PCCA: variants seen among roughly 807,000 people sequenced by gnomAD.
The protein encoded by PCCA is propionyl-CoA carboxylase alpha chain, mitochondrial.
PCCA carries 74 observed loss-of-function variants against 101.3 expected under a neutral mutation model. The observed-to-expected ratio is 0.73, with a 90% confidence interval of 0.61 to 0.89. PCCA has a LOEUF of 0.89. Ranked by LOEUF, PCCA falls within the 40% of genes least tolerant of loss-of-function variation. The pLI is 0.00. For synonymous variants in PCCA, 294 were observed against 313.6 expected (o/e 0.94, Z 0.66); for missense variants, 891 against 907.0 (o/e 0.98, Z 0.23).
At chr13:100,364,017 C>T (rs1030500841) in intron 18 of PCCA, among the ~76,000 whole-genome samples, 1 of 152,070 alleles carries the variant, frequency 6.6e-6, no homozygotes, top group African/African-American at 2.4e-5. Flanking sequence ...AGTGGACAGA[C>T]CTGGGTTAGA....
chr13:100,472,650 G>T (rs560208663), intron 21 of PCCA, among the ~76,000 whole-genome samples: 89 of 152,218 alleles, frequency 5.8e-4, no homozygotes, highest in African/African-American at 2.1e-3. Flanking sequence ...TGCGTGGCTG[G>T]TTTGAATAAT....
chr13:100,394,511 C>T lies in PCCA; in HGVS notation c.1746+25937C>T, dbSNP rs114611366. On this transcript the variant is annotated intron_variant, in intron 19 of 23. Coordinates refer to ENST00000376285, the MANE Select transcript of PCCA (RefSeq NM_000282.4). This position sits in a 1 kb window ranked among gnomAD's most constrained non-coding sequence, Gnocchi z 4.3. ...ATGAGAGGCATGAACTGAAAATAGG[C>T]GTAAACTTGAGTAATTCCCTAAACC... Among the ~76,000 whole-genome samples the T allele has an allele frequency of 2.1e-3, 319 of 151,886 alleles. 1 individual carries two copies. Among genetic ancestry groups the T allele is most frequent in the African/African-American group, 7.2e-3 (299 of 41,444 alleles).
chr13:100,496,046 T>C (rs1291735505), intron 21 of PCCA, among the ~76,000 whole-genome samples: 1 of 152,192 alleles, frequency 6.6e-6, no homozygotes, highest in Non-Finnish European at 1.5e-5. Flanking sequence ...TTTCAGCAAA[T>C]TGCTAACAGT....
intron 4 of PCCA, among the ~76,000 whole-genome samples, chr13:100,133,754 G>A (rs2050812063): frequency 6.6e-6 from 1 of 152,136 alleles, no homozygotes; most frequent in Admixed American, 6.5e-5. Context: ...TGAGTCAGTG[G>A]ACTGAGAGAG....
chr13:100,428,693 T>C (rs2079341223), intron 20 of PCCA, among the ~76,000 whole-genome samples: 1 of 152,078 alleles, frequency 6.6e-6, no homozygotes, highest in Non-Finnish European at 1.5e-5. Context: ...ACCCATAGCT[T>C]ACTCTGATTT....
At chr13:100,343,018 G>A (rs1218064425) in intron 18 of PCCA, among the ~76,000 whole-genome samples, 5 of 152,096 alleles carry the variant, frequency 3.3e-5, no homozygotes, top group Admixed American at 6.6e-5. Flanking sequence ...TGAGCTGGGC[G>A]AAACCTTGTG....
chr13:100,228,022 C>CT (rs757862583), intron 7 of PCCA, among the ~76,000 whole-genome samples: 63 of 149,156 alleles, frequency 4.2e-4, no homozygotes, highest in East Asian at 7.8e-4. Flanking sequence ...TTGACTTTTT[C>CT]TTTTTTTTTT....
intron 21 of PCCA, among the ~76,000 whole-genome samples, chr13:100,496,276 T>C: frequency 6.6e-6 from 1 of 152,200 alleles, no homozygotes; most frequent in Non-Finnish European, 1.5e-5. Context: ...GAAAAAGAAG[T>C]GTTATTTTCT....
intron 19 of PCCA, among the ~76,000 whole-genome samples, chr13:100,369,186 T>C (rs1206542990): frequency 6.6e-6 from 1 of 152,208 alleles, no homozygotes; most frequent in Non-Finnish European, 1.5e-5. Flanking sequence ...TAAGAGTTGC[T>C]GTTTTAAGTC....
At chr13:100,490,344 C>T (rs2084811125) in intron 21 of PCCA, 1 of 152,148 alleles carries the variant, frequency 6.6e-6, no homozygotes, top group South Asian at 2.1e-4. Context: ...TGAAAATGGT[C>T]ACCATAGGTC....
intron 21 of PCCA, among the ~76,000 whole-genome samples, chr13:100,500,053 G>T (rs1458423827): frequency 6.6e-6 from 1 of 152,156 alleles, no homozygotes; most frequent in Admixed American, 6.5e-5. Context: ...TCTAATTGAA[G>T]TAAGAAATTG....
At chr13:100,360,919 G>A (rs879357289) in intron 18 of PCCA, among the ~76,000 whole-genome samples, 37 of 152,164 alleles carry the variant, frequency 2.4e-4, no homozygotes, top group Admixed American at 1.3e-3. Flanking sequence ...TTCAGTAGGC[G>A]AGTGGATAAA....
At chr13:100,148,680 C>T (rs2052901290) in intron 4 of PCCA, among the ~76,000 whole-genome samples, 1 of 151,942 alleles carries the variant, frequency 6.6e-6, no homozygotes, top group Non-Finnish European at 1.5e-5. Flanking sequence ...AAGACAAAGA[C>T]TAAAACAAAA....
At chr13:100,154,007 ACT>A (rs1390847340) in intron 4 of PCCA, among the ~76,000 whole-genome samples, 2 of 151,816 alleles carry the variant, frequency 1.3e-5, no homozygotes, top group African/African-American at 2.4e-5. Context: ...ATAACTGAAG[ACT>A]CTAACAGAAA....
chr13:100,519,509 G>A (rs2087075000), intron 22 of PCCA, among the ~76,000 whole-genome samples: 2 of 152,232 alleles, frequency 1.3e-5, no homozygotes, highest in Non-Finnish European at 2.9e-5. Context: ...CACATCGGTG[G>A]GCGTCGGTGG....
chr13:100,243,096 A>G (rs1794554589), intron 8 of PCCA, among the ~76,000 whole-genome samples: 1 of 152,186 alleles, frequency 6.6e-6, no homozygotes, highest in African/African-American at 2.4e-5. Flanking sequence ...AGGTTTCACC[A>G]TGTTGGCCAG....
At chr13:100,221,185 A>G (rs1373991557) in intron 7 of PCCA, among the ~76,000 whole-genome samples, 3 of 152,230 alleles carry the variant, frequency 2.0e-5, no homozygotes, top group Non-Finnish European at 4.4e-5. Context: ...TATTAGTAAT[A>G]TGGGAGGTTT....
intron 21 of PCCA, among the ~76,000 whole-genome samples, chr13:100,456,240 G>A (rs1435562375): frequency 6.6e-6 from 1 of 152,102 alleles, no homozygotes; most frequent in Non-Finnish European, 1.5e-5. Context: ...AGCTTTTTGT[G>A]TGTTTCTCTA....
chr13:100,311,326 T>C (rs1007948174), intron 16 of PCCA, among the ~76,000 whole-genome samples: 2 of 152,062 alleles, frequency 1.3e-5, no homozygotes, highest in African/African-American at 4.8e-5. Flanking sequence ...ATTTGAAAAA[T>C]GGAGTGATAG....
Sources: allele counts gnomAD v4.1 joint callset (sites outside exome capture counted in the v4.1 genomes callset), GRCh38; gene constraint gnomAD v4.1.1; non-coding constraint Gnocchi (gnomAD v3.1); transcripts MANE v1.5; gene names NCBI Gene and HGNC (gene_info 2026-07-23, HGNC 2026-07-21).